DNAH7: variants seen among roughly 807,000 people sequenced by gnomAD.
DNAH7 encodes dynein axonemal heavy chain 7, also known as axonemal beta dynein heavy chain 7.
A neutral mutation model predicts 444.6 loss-of-function variants in DNAH7; 397 were observed. The observed-to-expected ratio is 0.89, with a 90% CI of 0.82 to 0.97. DNAH7 has a LOEUF of 0.97. Among genes scored for constraint, DNAH7 ranks in the 50% least tolerant of loss-of-function variants. The pLI, the probability that DNAH7 is intolerant of heterozygous loss-of-function variation, is 0.00. For missense variants in DNAH7, 4,902 were observed against 4,800.8 expected (o/e 1.02, Z -0.62); for synonymous variants, 1,636 against 1,624.4 (o/e 1.01, Z -0.17).
intron 31 of DNAH7, 115 bp downstream of exon 31, chr2:195,891,540 A>C: frequency 1.0e-6 from 1 of 988,994 alleles, no homozygotes; most frequent in African/African-American, 1.7e-5. Flanking sequence ...ACTGTGTTTT[A>C]AATAATATCT....
intron 12 of DNAH7, 119 bp downstream of exon 12, chr2:196,000,585 T>G: frequency 1.1e-6 from 1 of 898,954 alleles, no homozygotes; most frequent in South Asian, 3.8e-5. Flanking sequence ...AAAACTTTCT[T>G]ATAAGCCAAC....
intron 48 of DNAH7, among the ~76,000 whole-genome samples, chr2:195,825,927 C>G (rs1184748682): frequency 6.6e-6 from 1 of 152,190 alleles, no homozygotes; most frequent in African/African-American, 2.4e-5. Context: ...TGCTCCATTG[C>G]TGAGATCTCA....
chr2:196,068,056 C>G (rs929160289), intron 1 of DNAH7, among the ~76,000 whole-genome samples: 1 of 151,650 alleles, frequency 6.6e-6, no homozygotes, highest in African/African-American at 2.4e-5. Flanking sequence ...AGGAAAAAAA[C>G]GAGAAAAAAA....
At chr2:195,904,019 T>G (rs1258246182) in intron 27 of DNAH7, 1 of 151,946 alleles carries the variant, frequency 6.6e-6, no homozygotes, top group East Asian at 1.9e-4. Context: ...ACACTGAAGC[T>G]CTATAAGTGC....
chr2:196,003,548 T>C (rs905573155), intron 10 of DNAH7, among the ~76,000 whole-genome samples: 7 of 152,312 alleles, frequency 4.6e-5, no homozygotes, highest in Admixed American at 2.0e-4. Flanking sequence ...TAAATAAATA[T>C]TGTTTTTAAA....
At position 195,954,740 on chromosome 2, in the gene DNAH7, T is replaced by C. The variant is rs1013484027; in HGVS notation, c.3078+2521A>G. On this transcript the variant is annotated intron_variant, in intron 19 of 64. Transcript: ENST00000312428. ...CCATTCTAACTGGCATGAGATGTTA[T>C]CTCATTGTGGTTTTGATTTGCATTT... Among the ~76,000 whole-genome samples, 9 of 152,390 alleles carry C rather than the reference T, an allele frequency of 5.9e-5. No homozygotes were observed. The East Asian group carries it at 7.7e-4, about 13-fold the overall frequency.
chr2:195,772,864 T>C (rs1694906102), intron 60 of DNAH7, among the ~76,000 whole-genome samples: 1 of 149,926 alleles, frequency 6.7e-6, no homozygotes, highest in Non-Finnish European at 1.5e-5. Flanking sequence ...CGCTGCAACC[T>C]CTGCCTCCCG....
intron 5 of DNAH7, among the ~76,000 whole-genome samples, chr2:196,044,509 T>C (rs1016176211): frequency 3.9e-5 from 6 of 152,060 alleles, no homozygotes; most frequent in Admixed American, 3.9e-4. Flanking sequence ...GTTTAGATGA[T>C]GAGTGCACCA....
intron 12 of DNAH7, among the ~76,000 whole-genome samples, chr2:195,990,446 TGA>T (rs1693221613): frequency 6.6e-6 from 1 of 152,124 alleles, no homozygotes; most frequent in African/African-American, 2.4e-5. Flanking sequence ...GCAGATCACT[TGA>T]GCCCAGGAGC....
chr2:195,823,828 G>A (rs1697583794), intron 49 of DNAH7, among the ~76,000 whole-genome samples: 1 of 152,140 alleles, frequency 6.6e-6, no homozygotes, highest in Non-Finnish European at 1.5e-5. Flanking sequence ...TATTCTAAAA[G>A]AAGTGATTGA....
At chr2:195,776,791 A>G (rs944635950) in intron 59 of DNAH7, among the ~76,000 whole-genome samples, 12 of 152,144 alleles carry the variant, frequency 7.9e-5, no homozygotes, top group Admixed American at 5.9e-4. Flanking sequence ...ATTTAAATGG[A>G]CGTCTATTAA....
intron 61 of DNAH7, among the ~76,000 whole-genome samples, chr2:195,763,061 T>C (rs918842859): frequency 2.0e-5 from 3 of 152,132 alleles, no homozygotes; most frequent in Non-Finnish European, 4.4e-5. Flanking sequence ...AAGAGGAATT[T>C]TGGAAACTAT....
chr2:196,052,032 G>C (rs2125865723), intron 2 of DNAH7, among the ~76,000 whole-genome samples: 1 of 152,286 alleles, frequency 6.6e-6, no homozygotes, highest in East Asian at 1.9e-4. Flanking sequence ...CTTTTTACTT[G>C]TATGCTTATA....
chr2:195,738,086 C>CCGTT lies in DNAH7; in HGVS notation c.11906_11909dup (p.Pro3971ThrfsTer10). 1.2e-6 allele frequency: 2 copies of CCGTT among 1,613,906 alleles called. No individual in the cohort carries two copies. Among genetic ancestry groups the CCGTT allele is most frequent in the Non-Finnish European group, 1.7e-6 (2 of 1,179,832 alleles). ...TATACAATGGAGCAACATAACTTGG[C>CCGTT]CGTTTTGGTATATCTGCCCTCTTAC... On this transcript the variant is annotated frameshift_variant, in exon 65 of 65. Coordinates refer to ENST00000312428, the MANE Select transcript of DNAH7 (RefSeq NM_018897.3). LOFTEE classifies it low-confidence loss of function (END_TRUNC).
rs767755135 is a variant in DNAH7 at position 196,012,817 on chromosome 2, A to G, written c.959T>C (p.Met320Thr). Residue 320 changes from methionine (M) to threonine (T), a missense_variant, in exon 10 of 65, where the codon ATG becomes ACG. Coordinates refer to ENST00000312428, the MANE Select transcript of DNAH7 (RefSeq NM_018897.3). ...AAGTAGAGTCTCTTTGGCAGAGTCC[A>G]TGTGTCTCATGATAATGTTCTGAAA... ...SSFQNIIMRH[M>T]DSAKETLLKM... 3.8e-6 allele frequency: 6 copies of G among 1,592,720 alleles called. No individual in the cohort carries two copies. Among genetic ancestry groups the G allele is most frequent in the East Asian group, 2.3e-5 (1 of 43,736 alleles).
intron 9 of DNAH7, 90 bp downstream of exon 9, chr2:196,019,080 G>A: frequency 8.2e-7 from 1 of 1,226,206 alleles, no homozygotes; most frequent in Non-Finnish European, 1.1e-6. Flanking sequence ...GTTTTACTTT[G>A]CAGTTAAAAT....
chr2:195,855,827 G>A lies in DNAH7; in HGVS notation c.8579C>T (p.Ala2860Val). The change falls in exon 45 of 65, where the codon GCT becomes GTT. Residue 2860 changes from alanine to valine, a missense_variant. By Grantham distance (64) the Ala-to-Val change is moderately conservative. Transcript: ENST00000312428. ...DTLELNKQKK[A>V]DLENQVDLCS... The stretch of plus-strand genomic sequence containing the variant: ...AGCACACACCTGGTTTTCCAGGTCA[G>A]CCTTCTTTTGTTTATTTAATTCAAG... 6.2e-7 allele frequency: 1 copy of A among 1,613,318 alleles called. No individual in the cohort carries two copies. Among genetic ancestry groups the A allele is most frequent in the Non-Finnish European group, 8.5e-7 (1 of 1,179,684 alleles).
In DNAH7 at chr2:195,864,673, T is replaced by G; in HGVS notation, c.6982A>C (p.Arg2328=). 5.0e-6 allele frequency: 8 copies of G among 1,614,228 alleles called. No individual in the cohort carries two copies. Among genetic ancestry groups the G allele is most frequent in the Non-Finnish European group, 6.8e-6 (8 of 1,180,024 alleles). The change falls in exon 41 of 65, where the codon AGG becomes CGG. Residue 2328 remains arginine, a synonymous_variant. Transcript: ENST00000312428. The stretch of plus-strand genomic sequence containing the variant: ...TGGCTGCGAGGCTGCTTCAGGATCC[T>G]GGAAATTCTGCTGATGTGCTCTATG... ...FAIEHISRIS[R]ILKQPRSHAL...
At position 196,001,704 on chromosome 2, in the gene DNAH7, C is replaced by G. The variant is rs897622699; in HGVS notation, c.1144G>C (p.Asp382His). Residue 382 changes from aspartate to histidine, a missense_variant, in exon 11 of 65, where the codon GAT (aspartate) becomes CAT (histidine). By Grantham distance (81) the Asp-to-His change is moderately conservative. Coordinates refer to ENST00000312428, the MANE Select transcript of DNAH7 (RefSeq NM_018897.3). The part of the protein sequence containing the change: ...LQDLTLVSMQ[D>H]FTDLIAQPPD... ...GGTTGTGCAATTAAGTCCGTGAAATCTTGCATGGAGACTAAAGTGAGGTCC... is the reference window on the plus strand; with the variant it reads ...GGTTGTGCAATTAAGTCCGTGAAATGTTGCATGGAGACTAAAGTGAGGTCC... 6.3e-7 allele frequency: 1 copy of G among 1,588,006 alleles called. No individual in the cohort carries two copies. Among genetic ancestry groups the G allele is most frequent in the African/African-American group, 1.4e-5 (1 of 73,972 alleles).
Sources: gnomAD v4.1 joint callset for allele counts (sites outside exome capture counted in the v4.1 genomes callset) on GRCh38, gnomAD v4.1.1 for gene constraint, MANE v1.5 for transcripts, NCBI Gene and HGNC (gene_info 2026-07-23, HGNC 2026-07-21) for gene names.